CERCAM: variants seen among roughly 807,000 people sequenced by gnomAD.
CERCAM encodes the protein inactive glycosyltransferase 25 family member 3.
CERCAM carries 59 observed loss-of-function variants against 66.0 expected under a neutral mutation model. The ratio of observed to expected loss-of-function variants is 0.89; its 90% CI spans 0.73 to 1.11. CERCAM has a LOEUF of 1.11. Ranked by LOEUF, CERCAM falls within the 50% of genes most tolerant of loss-of-function variation. The pLI is 0.00. For missense variants in CERCAM, 840 were observed against 828.3 expected, an observed-to-expected ratio of 1.01 and a Z score of -0.17; for synonymous variants, 318 against 343.6, an observed-to-expected ratio of 0.93 and a Z score of 0.83.
chr9:128,427,211 CA>C (rs1375392230), intron 5 of CERCAM, among the ~76,000 whole-genome samples: 1 of 151,976 alleles, frequency 6.6e-6, no homozygotes, highest in African/African-American at 2.4e-5. Flanking sequence ...CTCCCGGGTT[CA>C]AGTGATTCTC....
At position 128,428,783 on chromosome 9, in the gene CERCAM, G is replaced by A. The variant is rs1404060176; in HGVS notation, c.913G>A (p.Ala305Thr). 2 of 1,614,020 alleles carry A rather than the reference G, an allele frequency of 1.2e-6. No homozygotes were observed. Among genetic ancestry groups the A allele is most frequent in the African/African-American group, 1.3e-5 (1 of 75,018 alleles). ...LVDGPRMQAS[A>T]HVTRPSKRPS... is the part of the protein sequence containing the mutation. Reference sequence around the variant, plus strand: ...GGACGGCCCCCGCATGCAGGCCTCAGCTCATGTGACTCGGCCCTCTAAGAG... The same window carrying A: ...GGACGGCCCCCGCATGCAGGCCTCAACTCATGTGACTCGGCCCTCTAAGAG... Residue 305 changes from alanine (A) to threonine (T), a missense_variant, in exon 7 of 13, where the codon GCT (alanine) becomes ACT (threonine). By Grantham distance (58) the Ala-to-Thr change is moderately conservative (BLOSUM62 0). Coordinates refer to ENST00000372838, the MANE Select transcript of CERCAM (RefSeq NM_016174.5).
Position 128,430,574 on chromosome 9 carries a change from T to G in CERCAM, c.1071-597T>G, listed in dbSNP as rs191387298. On this transcript the variant is annotated intron_variant, in intron 8 of 12. Transcript: ENST00000372838. ...GACCATAGGCTATCCATCCTTTGCTTGGGCCTCTGCCCAAGAAGTATCTAT... is the reference window on the plus strand; with the variant it reads ...GACCATAGGCTATCCATCCTTTGCTGGGGCCTCTGCCCAAGAAGTATCTAT... Among the ~76,000 whole-genome samples the G allele has an allele frequency of 1.2e-4, 19 of 152,220 alleles. 1 individual carries two copies. In the East Asian group the frequency reaches 3.7e-3, roughly 30 times the overall value.
chr9:128,420,833 G>T (rs1033409584), upstream of CERCAM: 258 of 1,022,726 alleles, frequency 2.5e-4, no homozygotes, highest in Non-Finnish European at 3.1e-4. The surrounding 1 kb of genome is among the most constrained non-coding windows in gnomAD (Gnocchi z 5.0). Flanking sequence ...CCCCTCGGCC[G>T]GCCCGAGAGC....
intron 6 of CERCAM, 123 bp downstream of exon 6, chr9:128,428,544 C>T: frequency 7.7e-7 from 1 of 1,294,056 alleles, no homozygotes; most frequent in South Asian, 1.4e-5. Flanking sequence ...TTGTCCCTAA[C>T]TCGTTCCATG....
At chr9:128,428,729 C>T (rs373091334) in intron 6 of CERCAM, 28 bp from the exon 7 acceptor site, 7 of 1,612,456 alleles carry the variant, frequency 4.3e-6, no homozygotes, top group African/African-American at 1.3e-5. Flanking sequence ...AGTAGGGACT[C>T]GTGCTTGGGG....
At chr9:128,429,919 G>T (rs1833936256) in intron 8 of CERCAM, among the ~76,000 whole-genome samples, 1 of 151,728 alleles carries the variant, frequency 6.6e-6, no homozygotes, top group Non-Finnish European at 1.5e-5. Flanking sequence ...CTCCCAAGTA[G>T]CTGTGATTAC....
intron 11 of CERCAM, 86 bp from the exon 12 acceptor site, chr9:128,435,567 A>G (rs1834088488): frequency 6.9e-7 from 1 of 1,459,490 alleles, no homozygotes; most frequent in African/African-American, 1.4e-5. Flanking sequence ...TGCTTTGGGC[A>G]GGCAAGGTGC....
At chr9:128,427,501 C>T (rs1210556018) in intron 5 of CERCAM, among the ~76,000 whole-genome samples, 1 of 151,956 alleles carries the variant, frequency 6.6e-6, no homozygotes, top group African/African-American at 2.4e-5. Flanking sequence ...CAGTGGCTCA[C>T]GCCTGTAATC....
intron 5 of CERCAM, among the ~76,000 whole-genome samples, 192 bp from the exon 6 acceptor site, chr9:128,428,110 C>G (rs1236145875): frequency 6.6e-6 from 1 of 152,160 alleles, no homozygotes; most frequent in Non-Finnish European, 1.5e-5. Flanking sequence ...ATGAATGAAC[C>G]ATTTCAGTAG....
In CERCAM at chr9:128,435,746, C is replaced by G. The variant is rs748707205; in HGVS notation, c.1629C>G (p.Ala543=). The G allele has an allele frequency of 1.9e-6, 3 of 1,613,470 alleles. No homozygotes were observed. The Admixed American group carries it at 5.0e-5, about 27-fold the overall frequency. ...CCCCTACCCACTATGCCGGGGACGC[C>G]GAGTGGCTCAGTGACACGGAGACAT... is the stretch of plus-strand genomic sequence containing the variant. The part of the protein sequence containing the change: ...LAAPTHYAGD[A]EWLSDTETSS... The change falls in exon 12 of 13, where the codon GCC becomes GCG. Residue 543 remains alanine (A), a synonymous_variant. Coordinates refer to ENST00000372838, the MANE Select transcript of CERCAM (RefSeq NM_016174.5).
intron 8 of CERCAM, among the ~76,000 whole-genome samples, chr9:128,429,627 T>TCTCCGTCTGTTGCC (rs764635532): frequency 6.6e-6 from 1 of 152,040 alleles, no homozygotes; most frequent in African/African-American, 2.4e-5. Context: ...AGAGACAGCG[T>TCTCCGTCTGTTGCC]CTCCGTCTGT....
Position 128,428,075 on chromosome 9 carries a change from C to T in CERCAM, c.767-227C>T, listed in dbSNP as rs1274372853. ...TCACTGCCGTAACCCTGGCTCCCAG[C>T]GGGTGCCCTGGACAGGTATATTGAA... On this transcript the variant is annotated intron_variant, in intron 5 of 12. Coordinates refer to ENST00000372838, the MANE Select transcript of CERCAM (RefSeq NM_016174.5). Among the ~76,000 whole-genome samples, 4 of 152,178 alleles carry T rather than the reference C, an allele frequency of 2.6e-5. No individual in the cohort carries two copies. In the South Asian group the frequency reaches 8.3e-4, roughly 31 times the overall value.
rs116784799 is a variant in CERCAM at position 128,432,319 on chromosome 9, C to T, written c.1203+1016C>T. On this transcript the variant is annotated intron_variant, in intron 9 of 12. Coordinates refer to ENST00000372838, the MANE Select transcript of CERCAM (RefSeq NM_016174.5). ...GGAATTACAGGCTTGAGTCACCATG[C>T]CCAGCCTATGTTGGCTTTTTTACCG... Among the ~76,000 whole-genome samples, 1,190 of 151,978 alleles carry T rather than the reference C, an allele frequency of 7.8e-3. 16 individuals carry two copies. Among genetic ancestry groups the T allele is most frequent in the African/African-American group, 0.028 (1,149 of 41,440 alleles).
Position 128,420,996 on chromosome 9 carries a change from G to A in CERCAM, c.119G>A (p.Arg40His). The A allele has an allele frequency of 2.7e-6, 4 of 1,465,084 alleles. No individual in the cohort carries two copies. The highest frequency in any genetic ancestry group is 1.3e-5 in the South Asian group (1 of 76,204). The allele number at this position is 1,465,084 out of a possible 1,614,324, so 90.8% of individuals were successfully genotyped here. Reference sequence around the variant, plus strand: ...GCCGTGGTCCTTGCCATCCTGGCCCGCAATGCCGAACACTCGCTGCCCCAC... The same window carrying A: ...GCCGTGGTCCTTGCCATCCTGGCCCACAATGCCGAACACTCGCTGCCCCAC... ...LPAVVLAILA[R>H]NAEHSLPHYL... The change falls in exon 1 of 13, where the codon CGC (arginine) becomes CAC (histidine). Residue 40 changes from arginine to histidine, a missense_variant. Arg to His is a conservative substitution (Grantham distance 29). Coordinates refer to ENST00000372838, the MANE Select transcript of CERCAM (RefSeq NM_016174.5). This position sits in a 1 kb window ranked among gnomAD's most constrained non-coding sequence, Gnocchi z 5.0.
chr9:128,428,623 T>A (rs1833901503), intron 6 of CERCAM, 134 bp from the exon 7 acceptor site: 1 of 1,134,776 alleles, frequency 8.8e-7, no homozygotes, highest in Admixed American at 1.9e-5. Context: ...AGGTGGATCC[T>A]GTGATCTCTG....
rs199949999 is a variant in CERCAM, at chr9:128,424,539, T to C, written c.691T>C (p.Phe231Leu). ...GGCTGAAGGGGCAGACCAGCTTGCT[T>C]TCTACCCGCCACATCCCAACTACAC... ...LRAEGADQLAFYPPHPNYTWP... is the reference protein window; with the variant it reads ...LRAEGADQLALYPPHPNYTWP... The change falls in exon 5 of 13, where the codon TTC becomes CTC. Residue 231 changes from phenylalanine to leucine, a missense_variant. Transcript: ENST00000372838. 1.1e-5 allele frequency: 18 copies of C among 1,614,010 alleles called. No individual in the cohort carries two copies. The highest frequency in any genetic ancestry group is 1.5e-5 in the Non-Finnish European group (18 of 1,180,024).
At position 128,434,994 on chromosome 9, in the gene CERCAM, T is replaced by G. The variant is rs1358425462; in HGVS notation, c.1535+381T>G. ...ACCCTGCTAATTTTTATTTATTTAT[T>G]TATTTATTTATTTATTTTTGAGATG... On this transcript the variant is annotated intron_variant, in intron 11 of 12. Coordinates refer to ENST00000372838, the MANE Select transcript of CERCAM (RefSeq NM_016174.5). The surrounding 1 kb of genome is among the most constrained non-coding windows in gnomAD (Gnocchi z 4.5). 6.7e-6 allele frequency among the ~76,000 whole-genome samples: 1 copy of G among 149,722 alleles called. No individual in the cohort carries two copies. The highest frequency in any genetic ancestry group is 2.5e-5 in the African/African-American group (1 of 40,458).
At chr9:128,436,394 C>G (rs1834115291) in intron 12 of CERCAM, among the ~76,000 whole-genome samples, 1 of 152,120 alleles carries the variant, frequency 6.6e-6, no homozygotes. Flanking sequence ...ACTACAGGCG[C>G]CCACCACCAC....
chr9:128,423,482 T>A (rs1396216977), intron 3 of CERCAM, among the ~76,000 whole-genome samples: 1 of 152,048 alleles, frequency 6.6e-6, no homozygotes, highest in Non-Finnish European at 1.5e-5. Context: ...CTGGGCGTGG[T>A]CGCAGGCGCC....
Sources: allele counts gnomAD v4.1 joint callset (sites outside exome capture counted in the v4.1 genomes callset), GRCh38; gene constraint gnomAD v4.1.1; non-coding constraint Gnocchi (gnomAD v3.1); transcripts MANE v1.5; gene names NCBI Gene and HGNC (gene_info 2026-07-23, HGNC 2026-07-21).